ROR1: variants seen among roughly 807,000 people sequenced by gnomAD.
ROR1 encodes the protein ROR family WNT receptor 1.
ROR1 carries 19 observed loss-of-function variants against 78.8 expected under a neutral mutation model. That is an observed-to-expected ratio of 0.24 (90% CI 0.17 to 0.35). ROR1 has a LOEUF of 0.35. Among genes scored for constraint, ROR1 ranks in the 10% least tolerant of loss-of-function variants. ROR1 has a pLI of 1.00. For missense variants in ROR1, 917 were observed against 1,177.8 expected (o/e 0.78, Z 3.24); for synonymous variants, 386 against 433.6 (o/e 0.89, Z 1.36).
chr1:63,920,531 G>T (rs1452164535), intron 1 of ROR1, among the ~76,000 whole-genome samples: 1 of 152,100 alleles, frequency 6.6e-6, no homozygotes, highest in Non-Finnish European at 1.5e-5. Flanking sequence ...TGTCCATCAC[G>T]CCATTCTCCA....
chr1:63,957,749 T>G (rs976495089), intron 1 of ROR1, among the ~76,000 whole-genome samples: 5 of 151,894 alleles, frequency 3.3e-5, no homozygotes, highest in East Asian at 1.9e-4. Context: ...TTTTTTGTTT[T>G]TTTTTTTTTT....
chr1:64,023,778 A>G (rs1239485774), intron 2 of ROR1, among the ~76,000 whole-genome samples: 1 of 152,208 alleles, frequency 6.6e-6, no homozygotes, highest in Non-Finnish European at 1.5e-5. Context: ...GTGTCATTAA[A>G]TATTTTTAAC....
chr1:64,180,750 AT>A lies in ROR1; in HGVS notation c.*1898del. 6.6e-6 allele frequency: 1 copy of A among 152,240 alleles called. No homozygotes were observed. The highest frequency in any genetic ancestry group is 1.9e-4 in the East Asian group (1 of 5,192). 9.4% of individuals were successfully genotyped at this position (152,240 alleles called of 1,614,324 possible). A position where few individuals can be genotyped will look rare whatever the true frequency, so the allele number is the denominator to read the frequency against. On this transcript the variant is annotated 3_prime_UTR_variant, in exon 9 of 9. Coordinates refer to ENST00000371079, the MANE Select transcript of ROR1 (RefSeq NM_005012.4). ...TGACAATCAATTGTTTTCCAAGAAT[AT>A]TTATTATTTTAAGTACACAATTTCA... is the stretch of plus-strand genomic sequence containing the variant.
chr1:63,807,110 A>G (rs967373447), intron 1 of ROR1, among the ~76,000 whole-genome samples: 1 of 152,222 alleles, frequency 6.6e-6, no homozygotes, highest in Non-Finnish European at 1.5e-5. Flanking sequence ...CCTAAGAAAT[A>G]ACCTCCAGGG....
At chr1:63,979,399 T>C (rs1182645702) in intron 1 of ROR1, among the ~76,000 whole-genome samples, 1 of 152,086 alleles carries the variant, frequency 6.6e-6, no homozygotes, top group Non-Finnish European at 1.5e-5. Flanking sequence ...ACCCAGGGAC[T>C]AGGAACTAGG....
chr1:64,122,764 A>G (rs1160942084), intron 4 of ROR1, among the ~76,000 whole-genome samples: 2 of 152,172 alleles, frequency 1.3e-5, no homozygotes, highest in African/African-American at 4.8e-5. Flanking sequence ...CCAGGCTCAC[A>G]TCTCTAGCTC....
chr1:63,809,044 A>G (rs1337447627), intron 1 of ROR1, among the ~76,000 whole-genome samples: 1 of 152,174 alleles, frequency 6.6e-6, no homozygotes, highest in African/African-American at 2.4e-5. Flanking sequence ...CTACAATGGG[A>G]TGGATGTTGA....
At chr1:63,780,899 C>G (rs541426776) in intron 1 of ROR1, among the ~76,000 whole-genome samples, 1 of 152,290 alleles carries the variant, frequency 6.6e-6, no homozygotes, top group Admixed American at 6.5e-5. Flanking sequence ...CCGTTTTTAG[C>G]TCCAATATCC....
chr1:63,855,899 C>T (rs551259378), intron 1 of ROR1, among the ~76,000 whole-genome samples: 19 of 152,054 alleles, frequency 1.2e-4, no homozygotes, highest in Admixed American at 8.5e-4. Context: ...CCTCGTGACC[C>T]GCCCACCTCG....
chr1:64,136,405 T>G (rs1649103598), intron 4 of ROR1, among the ~76,000 whole-genome samples: 1 of 151,472 alleles, frequency 6.6e-6, no homozygotes, highest in Non-Finnish European at 1.5e-5. Flanking sequence ...CATCCAGGGT[T>G]GAAGTCAACT....
intron 2 of ROR1, among the ~76,000 whole-genome samples, chr1:64,027,546 T>C (rs1489371460): frequency 1.3e-5 from 2 of 152,206 alleles, no homozygotes; most frequent in East Asian, 3.9e-4. Flanking sequence ...TCATCTCTCA[T>C]TGTATAATCG....
Position 63,978,496 on chromosome 1 carries a change from G to T in ROR1, c.92-30809G>T, listed in dbSNP as rs568418405. ...TATGGGCTGGGATCACATTTATTTT[G>T]TAGATTATTCTGTCTGCAATTCCCA... On this transcript the variant is annotated intron_variant, in intron 1 of 8. Coordinates refer to ENST00000371079, the MANE Select transcript of ROR1 (RefSeq NM_005012.4). Among the ~76,000 whole-genome samples, 34 of 152,244 alleles carry T rather than the reference G, an allele frequency of 2.2e-4. No homozygotes were observed. The South Asian group carries it at 5.4e-3, about 24-fold the overall frequency.
At chr1:64,152,003 T>A (rs1354047559) in intron 7 of ROR1, among the ~76,000 whole-genome samples, 1 of 151,956 alleles carries the variant, frequency 6.6e-6, no homozygotes, top group African/African-American at 2.4e-5. Context: ...TTGCCAGACA[T>A]CTCCAGAGAC....
chr1:63,813,796 A>G (rs1340451430), intron 1 of ROR1, among the ~76,000 whole-genome samples: 3 of 152,194 alleles, frequency 2.0e-5, no homozygotes, highest in Non-Finnish European at 4.4e-5. Flanking sequence ...CTTTAGATAG[A>G]AGTCATATTT....
At chr1:64,094,328 T>C (rs1466353853) in intron 4 of ROR1, 2 of 152,172 alleles carry the variant, frequency 1.3e-5, no homozygotes, top group Non-Finnish European at 2.9e-5. Flanking sequence ...TGATGTTTAA[T>C]TCAAGTCTGG....
At chr1:64,057,963 C>T (rs1332927508) in intron 4 of ROR1, among the ~76,000 whole-genome samples, 1 of 152,178 alleles carries the variant, frequency 6.6e-6, no homozygotes, top group Non-Finnish European at 1.5e-5. Context: ...ATTAAGTCAT[C>T]TAATCCATGA....
Position 64,177,826 on chromosome 1 carries a change from T to A in ROR1, c.1785T>A (p.Ile595=). Reference sequence around the variant, plus strand: ...TGGACCACGGAGATTTTCTGCACATTGCAATTCAGATTGCAGCTGGCATGG... The same window carrying A: ...TGGACCACGGAGATTTTCTGCACATAGCAATTCAGATTGCAGCTGGCATGG... ...SSLDHGDFLH[I]AIQIAAGMEY... is the part of the protein sequence containing the mutation. The change falls in exon 9 of 9, where the codon ATT becomes ATA. Residue 595 remains isoleucine (I), a synonymous_variant. Transcript: ENST00000371079. The A allele has an allele frequency of 6.2e-7, 1 of 1,614,220 alleles. No individual in the cohort carries two copies. Among genetic ancestry groups the A allele is most frequent in the Non-Finnish European group, 8.5e-7 (1 of 1,180,034 alleles).
intron 1 of ROR1, among the ~76,000 whole-genome samples, chr1:63,945,246 C>A (rs1306693930): frequency 6.6e-6 from 1 of 152,038 alleles, no homozygotes; most frequent in African/African-American, 2.4e-5. Flanking sequence ...GACTGTTAAA[C>A]TAAAAAAGAT....
intron 1 of ROR1, among the ~76,000 whole-genome samples, chr1:63,983,320 C>G (rs189893428): frequency 6.6e-6 from 1 of 152,320 alleles, no homozygotes; most frequent in Non-Finnish European, 1.5e-5. Flanking sequence ...TTGCCAAAGC[C>G]TGGCAGCTAG....
Sources: gnomAD v4.1 joint callset for allele counts (sites outside exome capture counted in the v4.1 genomes callset) on GRCh38, gnomAD v4.1.1 for gene constraint, MANE v1.5 for transcripts, NCBI Gene and HGNC (gene_info 2026-07-23, HGNC 2026-07-21) for gene names.